The following SBK3 variants were observed in gnomAD, a reference collection of about 807,000 sequenced individuals.
SBK3 encodes the protein SH3 domain binding kinase family member 3, also known as uncharacterized serine/threonine-protein kinase SBK3.
A neutral mutation model predicts 12.7 loss-of-function variants in SBK3; 16 were observed. That is an observed-to-expected ratio of 1.26 (90% CI 0.86 to 1.92). SBK3 has a LOEUF of 1.92. Ranked by LOEUF, SBK3 falls within the 40% of genes most tolerant of loss-of-function variation. SBK3 has a pLI of 0.00. For missense variants in SBK3, 462 were observed against 481.8 expected (o/e 0.96, Z 0.38); for synonymous variants, 217 against 213.6 (o/e 1.02, Z -0.14).
chr19:55,545,249 C>G lies in SBK3; in HGVS notation c.45+250G>C, dbSNP rs1988649523. 1 of 584,182 alleles carries G rather than the reference C, an allele frequency of 1.7e-6. No individual in the cohort carries two copies. The highest frequency in any genetic ancestry group is 3.1e-5 in the Admixed American group (1 of 31,898). The allele number at this position is 584,182 out of a possible 1,614,324, so 36.2% of individuals were successfully genotyped here. On this transcript the variant is annotated intron_variant, in intron 1 of 3. Transcript: ENST00000612221. This position sits in a 1 kb window ranked among gnomAD's most constrained non-coding sequence, Gnocchi z 4.4. ...CAGCCCACACAGTCCCCCTGCCCAC[C>G]CTGGTCTCTCTCTCCACCGTCCTCT...
chr19:55,545,452 TC>T lies in SBK3; in HGVS notation c.45+46del. 6.9e-7 allele frequency: 1 copy of T among 1,447,324 alleles called. No individual in the cohort carries two copies. The highest frequency in any genetic ancestry group is 9.4e-7 in the Non-Finnish European group (1 of 1,068,800). 89.7% of individuals were successfully genotyped at this position (1,447,324 alleles called of 1,614,324 possible). A position where few individuals can be genotyped will look rare whatever the true frequency, so the allele number is the denominator to read the frequency against. ...CCCCGTGTTGCCTCCTGCCTCTCTC[TC>T]CTTCTTTTCTCTCTCTGTCTTCCTC... On this transcript the variant is annotated intron_variant, in intron 1 of 3. Coordinates refer to ENST00000612221, the MANE Select transcript of SBK3 (RefSeq NM_001199824.2). The surrounding 1 kb of genome is among the most constrained non-coding windows in gnomAD (Gnocchi z 4.4).
chr19:55,542,013 T>C (rs976466992), intron 3 of SBK3, among the ~76,000 whole-genome samples: 8 of 152,230 alleles, frequency 5.3e-5, no homozygotes, highest in Non-Finnish European at 8.8e-5. Context: ...AAACTGACCA[T>C]CCAGATCTTC....
At position 55,541,327 on chromosome 19, in the gene SBK3, G is replaced by A. The variant is rs767648157; in HGVS notation, c.599C>T (p.Pro200Leu). ...GAGCTCAGGCGGTGCCGTGGGCAGA[G>A]GCACTGGTGGGGCGGGGGTCGGGCT... ...EGSPTPAPPVPLPTAPPELCL... is the reference protein window; with the variant it reads ...EGSPTPAPPVLLPTAPPELCL... The change falls in exon 4 of 4, where the codon CCT becomes CTT. Residue 200 changes from proline to leucine, a missense_variant. Transcript: ENST00000612221. The surrounding 1 kb of genome is among the most constrained non-coding windows in gnomAD (Gnocchi z 5.3). 6.5e-7 allele frequency: 1 copy of A among 1,535,200 alleles called. No individual in the cohort carries two copies. Among genetic ancestry groups the A allele is most frequent in the South Asian group, 1.2e-5 (1 of 84,006 alleles).
Position 55,544,220 on chromosome 19 carries a change from G to T in SBK3, c.279C>A (p.Cys93Ter), listed in dbSNP as rs748441126. 6.5e-7 allele frequency: 1 copy of T among 1,536,020 alleles called. No individual in the cohort carries two copies. Among genetic ancestry groups the T allele is most frequent in the Non-Finnish European group, 8.7e-7 (1 of 1,146,862 alleles). ...GCAGCAGGCCTGGGTGTGCAGAGAC[G>T]CAGCGGCCCACACAGAACTCCCTCA... ...TFLREFCVGR[C>*]VSAHPGLLQT... The change falls in exon 3 of 4, where the codon TGC becomes TGA. Residue 93 changes from cysteine to a stop codon, truncating the protein, a stop_gained. Transcript: ENST00000612221. LOFTEE classifies it high-confidence loss of function.
rs1222678977 is a variant in SBK3 at position 55,540,941 on chromosome 19, T to C, written c.985A>G (p.Arg329Gly). The change falls in exon 4 of 4, where the codon AGG becomes GGG. Residue 329 changes from arginine to glycine, a missense_variant. Arg to Gly is a moderately radical substitution (Grantham distance 125). Coordinates refer to ENST00000612221, the MANE Select transcript of SBK3 (RefSeq NM_001199824.2). Reference sequence around the variant, plus strand: ...TCCAGGCTTGAGCCTCCCTCCTCCCTGTCCTCATAGGACACGGCGCTCCCC... The same window carrying C: ...TCCAGGCTTGAGCCTCCCTCCTCCCCGTCCTCATAGGACACGGCGCTCCCC... ...VLGSAVSYED[R>G]EEGGSSLEEW... 6.5e-7 allele frequency: 1 copy of C among 1,536,118 alleles called. No homozygotes were observed.
rs951486296 is a variant in SBK3, at chr19:55,544,842, G to A, written c.153C>T (p.Ser51=). Residue 51 remains serine (S), a synonymous_variant, in exon 2 of 4, where the codon TCC becomes TCT. Coordinates refer to ENST00000612221, the MANE Select transcript of SBK3 (RefSeq NM_001199824.2). ...DQYHLIRKLG[S]GSYGRVLLAQ... Reference sequence around the variant, plus strand: ...CAAGGAGCACGCGGCCGTAGGAGCCGGAGCCCAGCTTCCGGATGAGGTGGT... The same window carrying A: ...CAAGGAGCACGCGGCCGTAGGAGCCAGAGCCCAGCTTCCGGATGAGGTGGT... 8.1e-5 allele frequency: 124 copies of A among 1,531,664 alleles called. No individual in the cohort carries two copies. The highest frequency in any genetic ancestry group is 8.6e-5 in the Non-Finnish European group (98 of 1,145,120). The allele number at this position is 1,531,664 out of a possible 1,614,324, so 94.9% of individuals were successfully genotyped here.
Position 55,540,927 on chromosome 19 carries a change from G to A in SBK3, c.999C>T (p.Gly333=). The A allele has an allele frequency of 6.5e-7, 1 of 1,536,154 alleles. No homozygotes were observed. Among genetic ancestry groups the A allele is most frequent in the South Asian group, 1.2e-5 (1 of 84,060 alleles). The stretch of plus-strand genomic sequence containing the variant: ...CATCTGTCCACTCCTCCAGGCTTGA[G>A]CCTCCCTCCTCCCTGTCCTCATAGG... ...AVSYEDREEG[G]SSLEEWTDEG... The change falls in exon 4 of 4, where the codon GGC becomes GGT. Residue 333 remains glycine (G), a synonymous_variant. Transcript: ENST00000612221.
chr19:55,542,140 A>T (rs924840452), intron 3 of SBK3, among the ~76,000 whole-genome samples: 12 of 152,176 alleles, frequency 7.9e-5, no homozygotes, highest in Non-Finnish European at 1.8e-4. Flanking sequence ...TCAATTGATT[A>T]TCTATCCGTC....
Position 55,544,946 on chromosome 19 carries a change from C to T in SBK3, c.49G>A (p.Asp17Asn), listed in dbSNP as rs1484373732. Residue 17 changes from aspartate (D) to asparagine (N), a missense_variant, in exon 2 of 4, where the codon GAC becomes AAC. By Grantham distance (23) the Asp-to-Asn change is conservative (BLOSUM62 1). Coordinates refer to ENST00000612221, the MANE Select transcript of SBK3 (RefSeq NM_001199824.2). ...AGCCGTTGGAGGGCTGTGGCTGTGT[C>T]CTCCTACGGGAGAGGGGCAGGGTGA... ...ETPEDGDPEE[D>N]TATALQRLVE... 6.5e-7 allele frequency: 1 copy of T among 1,530,682 alleles called. No individual in the cohort carries two copies. The highest frequency in any genetic ancestry group is 2.0e-5 in the Admixed American group (1 of 50,464). The allele number at this position is 1,530,682 out of a possible 1,614,324, so 94.8% of individuals were successfully genotyped here. A position where few individuals can be genotyped will look rare whatever the true frequency, so the allele number is the denominator to read the frequency against.
At position 55,544,307 on chromosome 19, in the gene SBK3, CAGGGAGATGGGTCGG is replaced by C. The variant is rs1159616812; in HGVS notation, c.197-20_197-6del. On this transcript the variant is annotated splice_polypyrimidine_tract_variant and splice_region_variant and intron_variant, in intron 2 of 3. Transcript: ENST00000612221. ...GCTTCAGAGCCACAGCTGGACCTGC[CAGGGAGATGGGTCGG>C]AGGGACACTCAGGCGGCTCCAGTCC... 29 of 1,534,868 alleles carry C rather than the reference CAGGGAGATGGGTCGG, an allele frequency of 1.9e-5. No homozygotes were observed. Among genetic ancestry groups the C allele is most frequent in the Non-Finnish European group, 2.4e-5 (28 of 1,146,216 alleles).
chr19:55,544,677 G>A (rs1158512236), intron 2 of SBK3, 122 bp downstream of exon 2: 1 of 993,800 alleles, frequency 1.0e-6, no homozygotes, highest in Admixed American at 3.0e-5. Context: ...TTAACTTTCA[G>A]AGTACCCCCA....
At position 55,545,229 on chromosome 19, in the gene SBK3, C is replaced by T. The variant is rs1189664239; in HGVS notation, c.45+270G>A. The T allele has an allele frequency of 1.7e-6, 1 of 582,046 alleles. No homozygotes were observed. The highest frequency in any genetic ancestry group is 3.2e-5 in the Admixed American group (1 of 31,588). The allele number at this position is 582,046 out of a possible 1,614,324, so 36.1% of individuals were successfully genotyped here. On this transcript the variant is annotated intron_variant, in intron 1 of 3. Transcript: ENST00000612221. This position sits in a 1 kb window ranked among gnomAD's most constrained non-coding sequence, Gnocchi z 4.4. Reference sequence around the variant, plus strand: ...CCCGAGTGGGGGTGCATCCTCAGCCCACACAGTCCCCCTGCCCACCCTGGT... The same window carrying T: ...CCCGAGTGGGGGTGCATCCTCAGCCTACACAGTCCCCCTGCCCACCCTGGT...
At chr19:55,542,218 G>A (rs2123490946) in intron 3 of SBK3, among the ~76,000 whole-genome samples, 1 of 152,244 alleles carries the variant, frequency 6.6e-6, no homozygotes, top group South Asian at 2.1e-4. Context: ...GTATTGAACA[G>A]TGTGTCCATC....
intron 3 of SBK3, among the ~76,000 whole-genome samples, chr19:55,543,121 T>TCATC (rs1358122904): frequency 2.7e-5 from 2 of 74,406 alleles, no homozygotes; most frequent in Non-Finnish European, 5.4e-5. Flanking sequence ...ACCAAACCTT[T>TCATC]CATCCATCCA....
In SBK3 at chr19:55,545,025, C is replaced by T. The variant is rs1158634687; in HGVS notation, c.46-76G>A. On this transcript the variant is annotated intron_variant, in intron 1 of 3. Transcript: ENST00000612221. This position sits in a 1 kb window ranked among gnomAD's most constrained non-coding sequence, Gnocchi z 4.4. ...AGTGGTGGGGGAGGAGGTCACGGCG[C>T]AGCCCCAGGATGGAGGGTGGGGCAG... 6.8e-6 allele frequency: 8 copies of T among 1,180,524 alleles called. No individual in the cohort carries two copies. In the East Asian group the frequency reaches 1.9e-4, roughly 27 times the overall value. The allele number at this position is 1,180,524 out of a possible 1,614,324, so 73.1% of individuals were successfully genotyped here. A position where few individuals can be genotyped will look rare whatever the true frequency, so the allele number is the denominator to read the frequency against.
At position 55,544,176 on chromosome 19, in the gene SBK3, A is replaced by C; in HGVS notation, c.323T>G (p.Leu108Arg). Residue 108 changes from leucine (L) to arginine (R), a missense_variant, in exon 3 of 4, where the codon CTA becomes CGA. Leu to Arg is a moderately radical substitution (Grantham distance 102). Coordinates refer to ENST00000612221, the MANE Select transcript of SBK3 (RefSeq NM_001199824.2). ...PGLLQTLAGP[L>R]QTPRYFAFAQ... ...GAAGGCAAAATAGCGGGGGGTCTGT[A>C]GGGGTCCTGCCAGGGTCTGCAGCAG... The C allele has an allele frequency of 2.6e-6, 4 of 1,535,818 alleles. No individual in the cohort carries two copies. Among genetic ancestry groups the C allele is most frequent in the Non-Finnish European group, 2.6e-6 (3 of 1,146,780 alleles).
intron 3 of SBK3, among the ~76,000 whole-genome samples, chr19:55,542,910 CTCCATCTACCCACCCA>C (rs1988590800): frequency 7.7e-6 from 1 of 130,170 alleles, no homozygotes; most frequent in African/African-American, 2.9e-5. Flanking sequence ...CCATCCACCC[CTCCATCTACCCACCCA>C]CCCATCCATC....
At chr19:55,542,164 G>A (rs1048167324) in intron 3 of SBK3, among the ~76,000 whole-genome samples, 5 of 152,130 alleles carry the variant, frequency 3.3e-5, no homozygotes, top group African/African-American at 9.7e-5. Context: ...CCAGCCAGCT[G>A]GCCAGGCAGC....
rs114422344 is a variant in SBK3, at chr19:55,541,547, G to A, written c.400-21C>T. 385 of 1,484,460 alleles carry A rather than the reference G, an allele frequency of 2.6e-4. No homozygotes were observed. In the African/African-American group the frequency reaches 4.9e-3, roughly 19 times the overall value. 92.0% of individuals were successfully genotyped at this position (1,484,460 alleles called of 1,614,324 possible). On this transcript the variant is annotated intron_variant, in intron 3 of 3. Coordinates refer to ENST00000612221, the MANE Select transcript of SBK3 (RefSeq NM_001199824.2). This position sits in a 1 kb window ranked among gnomAD's most constrained non-coding sequence, Gnocchi z 5.3. ...AGGCCCTGAGGTCAAGAAGACAGGA[G>A]GAGGGTCAGAGTGTCTTGGTTTTGT... is the stretch of plus-strand genomic sequence containing the variant.
Sources: gnomAD v4.1 joint callset for allele counts (sites outside exome capture counted in the v4.1 genomes callset) on GRCh38, gnomAD v4.1.1 for gene constraint, Gnocchi (gnomAD v3.1) non-coding constraint, MANE v1.5 for transcripts, NCBI Gene and HGNC (gene_info 2026-07-23, HGNC 2026-07-21) for gene names.